Variants in SLC4A1AP observed in about 807,000 individuals in gnomAD.
The protein encoded by SLC4A1AP is solute carrier family 4 member 1 adaptor protein, also known as kanadaptin.
In SLC4A1AP, 64 loss-of-function variants were observed where a neutral mutation model predicts 89.7. The observed-to-expected ratio is 0.71, with a 90% confidence interval of 0.58 to 0.88. The LOEUF (loss-of-function observed/expected upper bound fraction) is 0.88. Ranked by LOEUF, SLC4A1AP falls within the 40% of genes least tolerant of loss-of-function variation. The pLI is 0.00. For missense variants in SLC4A1AP, 931 were observed against 965.0 expected, an observed-to-expected ratio of 0.96 and a Z score of 0.47; for synonymous variants, 366 against 353.3, an observed-to-expected ratio of 1.04 and a Z score of -0.40.
chr2:27,669,613 C>T lies in SLC4A1AP; in HGVS notation c.1345+226C>T, dbSNP rs188808314. ...GACCTAGATCCTTTAACAAAAAACA[C>T]TCATACACAAATGTAGTCATATTAA... On this transcript the variant is annotated intron_variant, in intron 5 of 13. Transcript: ENST00000613058. Among the ~76,000 whole-genome samples, 5 of 152,262 alleles carry T rather than the reference C, an allele frequency of 3.3e-5. No homozygotes were observed. The East Asian group carries it at 9.6e-4, about 29-fold the overall frequency.
chr2:27,673,917 C>G (rs909958114), intron 5 of SLC4A1AP, among the ~76,000 whole-genome samples: 5 of 151,958 alleles, frequency 3.3e-5, no homozygotes, highest in Non-Finnish European at 7.4e-5. Flanking sequence ...ACTGCATGAA[C>G]CAGAACCTCA....
chr2:27,673,644 A>G (rs897132239), intron 5 of SLC4A1AP, among the ~76,000 whole-genome samples: 1 of 151,726 alleles, frequency 6.6e-6, no homozygotes, highest in African/African-American at 2.4e-5. Flanking sequence ...TTTTAGATTT[A>G]TTTTTAGTAA....
In SLC4A1AP at chr2:27,671,394, A is replaced by G. The variant is rs1216449706; in HGVS notation, c.1345+2007A>G. Among the ~76,000 whole-genome samples the G allele has an allele frequency of 2.6e-5, 4 of 152,304 alleles. No individual in the cohort carries two copies. In the East Asian group the frequency reaches 7.7e-4, roughly 29 times the overall value. ...TTTCTTTTTGTTTTTCCTAAGGGTAATAATTGCGTTTGCTTTTCATGTGTT... is the reference window on the plus strand; with the variant it reads ...TTTCTTTTTGTTTTTCCTAAGGGTAGTAATTGCGTTTGCTTTTCATGTGTT... On this transcript the variant is annotated intron_variant, in intron 5 of 13. Coordinates refer to ENST00000613058, the Ensembl canonical transcript of SLC4A1AP.
At chr2:27,685,598 G>C (rs62139013) in intron 10 of SLC4A1AP, among the ~76,000 whole-genome samples, 5,476 of 152,194 alleles carry the variant, frequency 0.036, 135 homozygotes, top group Middle Eastern at 0.065. Context: ...AGTGGAACAG[G>C]GTACATGATG....
At chr2:27,673,308 C>T (rs1220124931) in intron 5 of SLC4A1AP, among the ~76,000 whole-genome samples, 1 of 143,558 alleles carries the variant, frequency 7.0e-6, no homozygotes, top group East Asian at 2.0e-4. Context: ...TTCTTTCTCT[C>T]TCTCTCTCTC....
intron 5 of SLC4A1AP, among the ~76,000 whole-genome samples, chr2:27,673,036 GA>G (rs11297839): frequency 0.45 from 68,457 of 151,870 alleles, 16,744 homozygotes; most frequent in Non-Finnish European, 0.56. Flanking sequence ...CCTTTCCAGA[GA>G]TTAACCTCTG....
chr2:27,681,654 A>G (rs930478547), intron 8 of SLC4A1AP, among the ~76,000 whole-genome samples: 7 of 151,838 alleles, frequency 4.6e-5, no homozygotes, highest in Non-Finnish European at 7.4e-5. Flanking sequence ...AATTTCTACT[A>G]TCTCTTCTTT....
At chr2:27,663,954 C>G in exon 1 of SLC4A1AP, 1 of 1,614,220 alleles carries the variant, frequency 6.2e-7, no homozygotes, top group Non-Finnish European at 8.5e-7. Context: ...CCTGGCGTCG[C>G]AAGACCTCAG....
In SLC4A1AP at chr2:27,669,308, GA is replaced by G; in HGVS notation, c.1272del (p.Glu425LysfsTer3). On this transcript the variant is annotated frameshift_variant, in exon 5 of 14. Transcript: ENST00000613058. LOFTEE classifies it high-confidence loss of function. ...TGGCTGAGGCCATTCACTCAGGAAA[GA>G]AAAAAGAAGCAATGATCCAGTGCTC... is the stretch of plus-strand genomic sequence containing the variant. 1 of 1,613,046 alleles carries G rather than the reference GA, an allele frequency of 6.2e-7. No individual in the cohort carries two copies. The highest frequency in any genetic ancestry group is 8.5e-7 in the Non-Finnish European group (1 of 1,179,768).
At chr2:27,683,425 T>A (rs1159028232) in intron 9 of SLC4A1AP, among the ~76,000 whole-genome samples, 1 of 152,104 alleles carries the variant, frequency 6.6e-6, no homozygotes, top group African/African-American at 2.4e-5. Flanking sequence ...GCAGGGTTGG[T>A]TTCCTCTAAG....
At chr2:27,668,660 G>A (rs944267169) in intron 3 of SLC4A1AP, 183 bp from the exon 4 acceptor site, 3 of 700,710 alleles carry the variant, frequency 4.3e-6, no homozygotes, top group East Asian at 5.4e-5. Context: ...ATGTTGCACA[G>A]ACTGGTTTCG....
chr2:27,679,778 A>G (rs931141802), intron 8 of SLC4A1AP, among the ~76,000 whole-genome samples: 7 of 152,194 alleles, frequency 4.6e-5, no homozygotes, highest in African/African-American at 1.7e-4. Context: ...GGAAGAATAC[A>G]TAGATAAGTA....
rs1675555597 is a variant in SLC4A1AP, at chr2:27,678,181, T to G, written c.1763+257T>G. Among the ~76,000 whole-genome samples, 3 of 152,176 alleles carry G rather than the reference T, an allele frequency of 2.0e-5. No homozygotes were observed. In the South Asian group the frequency reaches 6.2e-4, roughly 31 times the overall value. On this transcript the variant is annotated intron_variant, in intron 8 of 13. Coordinates refer to ENST00000613058, the Ensembl canonical transcript of SLC4A1AP. ...TGGAAGGTTCCGAAGTTTTTTTTAC[T>G]TAATCTTTTAGTGTAGAATAAACTC...
chr2:27,683,668 C>T (rs1429830869), intron 9 of SLC4A1AP, among the ~76,000 whole-genome samples: 1 of 152,150 alleles, frequency 6.6e-6, no homozygotes, highest in Non-Finnish European at 1.5e-5. Flanking sequence ...GGGCACAATT[C>T]GTCCAAAACA....
At chr2:27,667,348 A>C (rs1207612764) in exon 3 of SLC4A1AP, 3 of 1,613,480 alleles carry the variant, frequency 1.9e-6, no homozygotes. Flanking sequence ...CTTTTATATA[A>C]AGGATCCCAA....
intron 12 of SLC4A1AP, chr2:27,692,370 A>G (rs1050237570): frequency 1.3e-5 from 2 of 152,232 alleles, no homozygotes. Context: ...GATACTTGAT[A>G]TGATTTCAAT....
chr2:27,690,784 A>G (rs952896333), intron 12 of SLC4A1AP, among the ~76,000 whole-genome samples: 3 of 152,052 alleles, frequency 2.0e-5, no homozygotes, highest in African/African-American at 4.8e-5. Flanking sequence ...AGATGATCAT[A>G]TGGTTTTTGT....
At chr2:27,667,877 A>G (rs576283576) in intron 3 of SLC4A1AP, among the ~76,000 whole-genome samples, 1 of 151,454 alleles carries the variant, frequency 6.6e-6, no homozygotes, top group Non-Finnish European at 1.5e-5. Flanking sequence ...TTTTATATGT[A>G]TATATAAATA....
intron 5 of SLC4A1AP, among the ~76,000 whole-genome samples, chr2:27,674,396 C>T (rs909897200): frequency 1.3e-5 from 2 of 152,122 alleles, no homozygotes; most frequent in Non-Finnish European, 2.9e-5. Flanking sequence ...AATACTATTG[C>T]ATTGATATTT....
Sources: allele counts gnomAD v4.1 joint callset (sites outside exome capture counted in the v4.1 genomes callset), GRCh38; gene constraint gnomAD v4.1.1; transcripts MANE v1.5; gene names NCBI Gene and HGNC (gene_info 2026-07-23, HGNC 2026-07-21).